ZNF536: variants seen among roughly 807,000 people sequenced by gnomAD.
ZNF536 encodes zinc finger protein 536.
ZNF536 carries 13 observed loss-of-function variants against 84.5 expected under a neutral mutation model. That is an observed-to-expected ratio of 0.15 (90% CI 0.10 to 0.24). The LOEUF (loss-of-function observed/expected upper bound fraction) is 0.24. Ranked by LOEUF, ZNF536 falls within the 10% of genes least tolerant of loss-of-function variation. The pLI is 1.00. For missense variants in ZNF536, 1,536 were observed against 1,747.5 expected, an observed-to-expected ratio of 0.88 and a Z score of 2.16; for synonymous variants, 811 against 742.5, an observed-to-expected ratio of 1.09 and a Z score of -1.50.
In ZNF536 at chr19:30,301,834, GA is replaced by G. The variant is rs34062386; in HGVS notation, c.-120+17704del. 3.0e-3 allele frequency among the ~76,000 whole-genome samples: 427 copies of G among 144,450 alleles called. 2 individuals are homozygous for G. Among genetic ancestry groups the G allele is most frequent in the African/African-American group, 9.4e-3 (373 of 39,682 alleles). 94.8% of individuals were successfully genotyped at this position (144,450 alleles called of 152,430 possible). A position where few individuals can be genotyped will look rare whatever the true frequency, so the allele number is the denominator to read the frequency against. ...AGACTTAAATATAATGTATGATGCT[GA>G]AAAAAAAAAAGCCCAGGGAAAAGGG... On this transcript the variant is annotated intron_variant, in intron 2 of 5. Transcript: ENST00000585628.
chr19:30,604,626 A>G (rs902320721), intron 1 of ZNF536, among the ~76,000 whole-genome samples: 4 of 152,238 alleles, frequency 2.6e-5, no homozygotes, highest in African/African-American at 9.6e-5. Flanking sequence ...ATGAGTTAGC[A>G]TGAGAAAAGT....
At chr19:30,372,756 T>A (rs1487739484) in intron 1 of ZNF536, among the ~76,000 whole-genome samples, 200 bp downstream of exon 1, 1 of 152,150 alleles carries the variant, frequency 6.6e-6, no homozygotes, top group Non-Finnish European at 1.5e-5. Context: ...TTAAATTTAT[T>A]ATAATTTAGA....
At chr19:30,687,074 A>G (rs1242009628) in intron 1 of ZNF536, among the ~76,000 whole-genome samples, 1 of 152,178 alleles carries the variant, frequency 6.6e-6, no homozygotes, top group Non-Finnish European at 1.5e-5. Context: ...AGACTGTGAT[A>G]CTGTGGGCAA....
chr19:30,244,876 C>T (rs1480415941), intron 1 of ZNF536, among the ~76,000 whole-genome samples: 1 of 152,162 alleles, frequency 6.6e-6, no homozygotes, highest in Non-Finnish European at 1.5e-5. Flanking sequence ...TTAGGAAATG[C>T]CAATGGAACA....
chr19:30,629,316 C>T (rs890315185), intron 1 of ZNF536, among the ~76,000 whole-genome samples: 1 of 152,182 alleles, frequency 6.6e-6, no homozygotes, highest in African/African-American at 2.4e-5. Flanking sequence ...CCTCTTACCT[C>T]AGACTCCTAA....
chr19:30,566,885 G>T (rs2053082), intron 1 of ZNF536, among the ~76,000 whole-genome samples: 39,718 of 150,862 alleles, frequency 0.26, 5,486 homozygotes, highest in East Asian at 0.42. Flanking sequence ...CCCGGGAGTG[G>T]CTTGTCCAGG....
At chr19:30,296,137 G>A (rs2045989473) in intron 2 of ZNF536, 1 of 152,212 alleles carries the variant, frequency 6.6e-6, no homozygotes, top group Non-Finnish European at 1.5e-5. Context: ...AATAAGTACT[G>A]TCATTATCCC....
intron 1 of ZNF536, among the ~76,000 whole-genome samples, chr19:30,578,512 G>A (rs887993430): frequency 5.9e-5 from 9 of 152,196 alleles, no homozygotes; most frequent in African/African-American, 1.9e-4. Context: ...ATCTGAGCAC[G>A]GAATCTCTGG....
intron 1 of ZNF536, among the ~76,000 whole-genome samples, chr19:30,606,797 G>A (rs7247696): frequency 0.48 from 72,828 of 151,914 alleles, 18,010 homozygotes; most frequent in South Asian, 0.57. Context: ...TCCTGAGAAC[G>A]TTGCAGCTCA....
chr19:30,402,168 C>G (rs904890950), intron 1 of ZNF536, among the ~76,000 whole-genome samples: 4 of 151,914 alleles, frequency 2.6e-5, no homozygotes, highest in African/African-American at 9.7e-5. Flanking sequence ...TAAACACTTG[C>G]GAGTGTAAAG....
intron 2 of ZNF536, among the ~76,000 whole-genome samples, chr19:30,323,913 C>A (rs1003249358): frequency 6.6e-6 from 1 of 152,128 alleles, no homozygotes; most frequent in Non-Finnish European, 1.5e-5. Flanking sequence ...CCCTCTTTCC[C>A]ATTTTCTCTC....
intron 1 of ZNF536, among the ~76,000 whole-genome samples, chr19:30,412,882 A>G (rs1490328084): frequency 6.6e-6 from 1 of 151,858 alleles, no homozygotes; most frequent in Non-Finnish European, 1.5e-5. Context: ...TAAAATGTAA[A>G]TGTTCGTTAT....
At chr19:30,533,760 G>A (rs1174232629) in intron 2 of ZNF536, among the ~76,000 whole-genome samples, 1 of 152,222 alleles carries the variant, frequency 6.6e-6, no homozygotes, top group Non-Finnish European at 1.5e-5. Flanking sequence ...GAGGCCTAGA[G>A]GGTGGGCTGG....
At chr19:30,658,023 C>T (rs1233192180) in intron 1 of ZNF536, among the ~76,000 whole-genome samples, 2 of 151,174 alleles carry the variant, frequency 1.3e-5, no homozygotes, top group African/African-American at 4.8e-5. Flanking sequence ...TCCATTCCCC[C>T]CCCCCTTTTT....
At chr19:30,685,051 T>C (rs1264404751) in intron 1 of ZNF536, among the ~76,000 whole-genome samples, 1 of 152,210 alleles carries the variant, frequency 6.6e-6, no homozygotes, top group Non-Finnish European at 1.5e-5. Context: ...CCTACCAGAT[T>C]GGACTCAACA....
At chr19:30,551,643 C>T (rs1227666476) in intron 4 of ZNF536, among the ~76,000 whole-genome samples, 1 of 152,224 alleles carries the variant, frequency 6.6e-6, no homozygotes, top group Non-Finnish European at 1.5e-5. Flanking sequence ...GTTGCTTCTG[C>T]AGCAGAGGGT....
intron 1 of ZNF536, among the ~76,000 whole-genome samples, chr19:30,668,067 C>T (rs1257844099): frequency 6.6e-6 from 1 of 152,080 alleles, no homozygotes; most frequent in Non-Finnish European, 1.5e-5. Context: ...AACTGGAGTG[C>T]CCTTCAGAAG....
intron 1 of ZNF536, among the ~76,000 whole-genome samples, chr19:30,609,043 G>T (rs1054048429): frequency 6.6e-6 from 1 of 152,206 alleles, no homozygotes; most frequent in South Asian, 2.1e-4. Flanking sequence ...GTAACTGCTT[G>T]CTGAATTCGA....
chr19:30,529,667 G>T (rs189542949), intron 2 of ZNF536, among the ~76,000 whole-genome samples: 8 of 152,302 alleles, frequency 5.3e-5, no homozygotes, highest in African/African-American at 1.9e-4. Context: ...AAGGTCTGTT[G>T]CCTGATGTCT....
Sources: gnomAD v4.1 joint callset for allele counts (sites outside exome capture counted in the v4.1 genomes callset) on GRCh38, gnomAD v4.1.1 for gene constraint, MANE v1.5 for transcripts, NCBI Gene and HGNC (gene_info 2026-07-23, HGNC 2026-07-21) for gene names.